Variants in CSMD2 observed in about 807,000 individuals in gnomAD.
CSMD2 encodes the protein CUB and sushi domain-containing protein 2.
CSMD2 carries 130 observed loss-of-function variants against 398.5 expected under a neutral mutation model. That is an observed-to-expected ratio of 0.33 (90% CI 0.28 to 0.38). The LOEUF (loss-of-function observed/expected upper bound fraction) is 0.38. CSMD2 is among the 10% of genes least tolerant of loss of function. The pLI, the probability that CSMD2 is intolerant of heterozygous loss-of-function variation, is 1.00. For missense variants in CSMD2, 3,829 were observed against 4,764.9 expected (o/e 0.80, Z 5.78); for synonymous variants, 1,828 against 1,908.5 (o/e 0.96, Z 1.10).
At chr1:33,897,972 C>G (rs1237888599) in intron 5 of CSMD2, among the ~76,000 whole-genome samples, 2 of 152,120 alleles carry the variant, frequency 1.3e-5, no homozygotes, top group Non-Finnish European at 2.9e-5. Flanking sequence ...TGGTCTCAGT[C>G]AAGACCCTGG....
chr1:33,939,144 A>G (rs1174192574), intron 3 of CSMD2, among the ~76,000 whole-genome samples: 1 of 151,346 alleles, frequency 6.6e-6, no homozygotes, highest in Non-Finnish European at 1.5e-5. Context: ...CTTACTTAAC[A>G]TTTCCCATGA....
rs765533454 is a variant in CSMD2, at chr1:33,546,010, G to A, written c.9100+27C>T. 6.9e-6 allele frequency: 11 copies of A among 1,588,662 alleles called. No homozygotes were observed. The Admixed American group carries it at 1.5e-4, about 22-fold the overall frequency. On this transcript the variant is annotated intron_variant, in intron 57 of 70. Coordinates refer to ENST00000373381, the MANE Select transcript of CSMD2 (RefSeq NM_001281956.2). ...GCGAGCTCTGGGGCTGGGCAAAGGG[G>A]AGAAGCAGAATGGTCACATACATTA...
rs1642564781 is a variant in CSMD2 at position 33,633,131 on chromosome 1, A to T, written c.5200+291T>A. Among the ~76,000 whole-genome samples, 1 of 152,212 alleles carries T rather than the reference A, an allele frequency of 6.6e-6. No individual in the cohort carries two copies. Among genetic ancestry groups the T allele is most frequent in the Non-Finnish European group, 1.5e-5 (1 of 68,034 alleles). ...AAGTTTTCTATAATGAAAATGCAAT[A>T]CATTTATAGTAAGAAAAAAAGTTGC... On this transcript the variant is annotated intron_variant, in intron 32 of 70. Transcript: ENST00000373381. This position sits in a 1 kb window ranked among gnomAD's most constrained non-coding sequence, Gnocchi z 5.0.
chr1:33,901,231 G>A (rs550338979), intron 5 of CSMD2, among the ~76,000 whole-genome samples: 1 of 152,346 alleles, frequency 6.6e-6, no homozygotes, highest in African/African-American at 2.4e-5. Flanking sequence ...CATTGGTCCT[G>A]TTGCCAAAGG....
At chr1:33,940,479 A>AT (rs1644631790) in intron 3 of CSMD2, among the ~76,000 whole-genome samples, 1 of 151,588 alleles carries the variant, frequency 6.6e-6, no homozygotes. Context: ...CTAAAAGCTT[A>AT]TTTTACTTTT....
Position 33,986,749 on chromosome 1 carries a change from A to G in CSMD2, c.517+45845T>C, listed in dbSNP as rs571974017. On this transcript the variant is annotated intron_variant, in intron 3 of 70. Coordinates refer to ENST00000373381, the MANE Select transcript of CSMD2 (RefSeq NM_001281956.2). ...CTCCTGACTAGCTTCTCTTCTCCAA[A>G]TGGGACACCTGGAGCGTAACTCAGG... Among the ~76,000 whole-genome samples the G allele has an allele frequency of 7.2e-5, 11 of 152,228 alleles. No individual in the cohort carries two copies. In the East Asian group the frequency reaches 1.7e-3, roughly 24 times the overall value.
At chr1:33,735,601 C>A (rs562042241) in intron 15 of CSMD2, among the ~76,000 whole-genome samples, 1 of 152,124 alleles carries the variant, frequency 6.6e-6, no homozygotes, top group Non-Finnish European at 1.5e-5. Flanking sequence ...CCCACACAGT[C>A]GAAAATACTT....
At chr1:33,605,523 G>A (rs1640536757) in intron 41 of CSMD2, 53 bp from the exon 42 acceptor site, 1 of 1,573,436 alleles carries the variant, frequency 6.4e-7, no homozygotes. Flanking sequence ...CAGAAAATAG[G>A]AGCGGCAGAA....
chr1:33,688,433 T>C (rs1285289714), intron 25 of CSMD2, among the ~76,000 whole-genome samples: 1 of 152,222 alleles, frequency 6.6e-6, no homozygotes, highest in Non-Finnish European at 1.5e-5. Context: ...TTAATAGTTA[T>C]TTTATGTGGG....
At chr1:33,718,299 C>A (rs1035030568) in intron 19 of CSMD2, among the ~76,000 whole-genome samples, 3 of 152,230 alleles carry the variant, frequency 2.0e-5, no homozygotes, top group Non-Finnish European at 4.4e-5. Context: ...ATGGTCTTAA[C>A]ACCCAAAGCA....
At chr1:33,654,528 T>C (rs983320010) in intron 27 of CSMD2, among the ~76,000 whole-genome samples, 1 of 152,202 alleles carries the variant, frequency 6.6e-6, no homozygotes, top group African/African-American at 2.4e-5. Context: ...TTGGGTCTGC[T>C]TATGTCTCAC....
intron 4 of CSMD2, among the ~76,000 whole-genome samples, chr1:33,928,769 A>G (rs566449241): frequency 1.3e-5 from 2 of 152,316 alleles, no homozygotes; most frequent in African/African-American, 4.8e-5. Context: ...GTCGCTGTTG[A>G]GGCCCCAGTG....
intron 39 of CSMD2, among the ~76,000 whole-genome samples, chr1:33,615,435 G>A (rs903308974): frequency 9.2e-5 from 14 of 152,222 alleles, no homozygotes; most frequent in Admixed American, 2.0e-4. Context: ...TTTCTGGGGA[G>A]AGGACAGCTT....
chr1:33,717,826 C>T (rs1646223248), intron 19 of CSMD2, among the ~76,000 whole-genome samples: 1 of 151,716 alleles, frequency 6.6e-6, no homozygotes, highest in Non-Finnish European at 1.5e-5. Flanking sequence ...GGGAGATGGT[C>T]AAAGAGCAAT....
At chr1:34,141,614 C>T (rs940317991) in intron 1 of CSMD2, among the ~76,000 whole-genome samples, 1 of 152,120 alleles carries the variant, frequency 6.6e-6, no homozygotes, top group Admixed American at 6.5e-5. Context: ...AGCAGAGAAG[C>T]CACTGGCCGG....
At chr1:33,678,675 G>A (rs2149055118) in intron 25 of CSMD2, among the ~76,000 whole-genome samples, 2 of 152,226 alleles carry the variant, frequency 1.3e-5, no homozygotes, top group Admixed American at 1.3e-4. Context: ...CCTCTAAGCT[G>A]ACCGAGCTGC....
At chr1:33,941,781 A>G (rs892310040) in intron 3 of CSMD2, among the ~76,000 whole-genome samples, 2 of 152,112 alleles carry the variant, frequency 1.3e-5, no homozygotes, top group African/African-American at 4.8e-5. Context: ...AGAGTTTTCT[A>G]TACTTGCTGT....
At chr1:34,146,169 G>T (rs1006782329) in intron 1 of CSMD2, among the ~76,000 whole-genome samples, 1 of 152,156 alleles carries the variant, frequency 6.6e-6, no homozygotes, top group Non-Finnish European at 1.5e-5. Context: ...GAGTCACCAG[G>T]ATTACAGGAA....
At chr1:34,089,741 T>C (rs1209408526) in intron 1 of CSMD2, among the ~76,000 whole-genome samples, 1 of 152,116 alleles carries the variant, frequency 6.6e-6, no homozygotes, top group Non-Finnish European at 1.5e-5. Context: ...GCCAAGAGTC[T>C]CGACTCTTCC....
Sources: gnomAD v4.1 joint callset for allele counts (sites outside exome capture counted in the v4.1 genomes callset) on GRCh38, gnomAD v4.1.1 for gene constraint, Gnocchi (gnomAD v3.1) non-coding constraint, MANE v1.5 for transcripts, NCBI Gene and HGNC (gene_info 2026-07-23, HGNC 2026-07-21) for gene names.